The following ITGA8 variants were observed in gnomAD, a reference collection of about 807,000 sequenced individuals.
The protein encoded by ITGA8 is integrin alpha-8.
Under a neutral mutation model 142.3 loss-of-function variants are expected in ITGA8, and 91 were observed. The observed-to-expected ratio is 0.64, with a 90% CI of 0.54 to 0.76. ITGA8 has a LOEUF of 0.76. Ranked by LOEUF, ITGA8 falls within the 30% of genes least tolerant of loss-of-function variation. The pLI, the probability that ITGA8 is intolerant of heterozygous loss-of-function variation, is 0.00. For missense variants in ITGA8, 1,406 were observed against 1,327.7 expected (o/e 1.06, Z -0.92); for synonymous variants, 505 against 485.2 (o/e 1.04, Z -0.54).
At position 15,640,233 on chromosome 10, in the gene ITGA8, G is replaced by T. The variant is rs12267191; in HGVS notation, c.1399+3797C>A. Among the ~76,000 whole-genome samples, 518 of 152,302 alleles carry T rather than the reference G, an allele frequency of 3.4e-3. 4 individuals are homozygous for T. Among genetic ancestry groups the T allele is most frequent in the African/African-American group, 0.012 (495 of 41,568 alleles). ...ATCCCCTCTACGGCCCGTGTTCCAC[G>T]GGACCGACCTGGGTGTCAGGTCTTC... On this transcript the variant is annotated intron_variant, in intron 13 of 29. Coordinates refer to ENST00000378076, the MANE Select transcript of ITGA8 (RefSeq NM_003638.3).
intron 23 of ITGA8, among the ~76,000 whole-genome samples, chr10:15,583,121 C>G (rs1834444516): frequency 1.3e-5 from 2 of 152,172 alleles, no homozygotes; most frequent in African/African-American, 4.8e-5. Flanking sequence ...ACTGAAATGC[C>G]CATCCAGATA....
chr10:15,541,883 T>A (rs1441169428), intron 27 of ITGA8, among the ~76,000 whole-genome samples: 1 of 152,168 alleles, frequency 6.6e-6, no homozygotes, highest in African/African-American at 2.4e-5. Flanking sequence ...TTTACTTGCA[T>A]GGTTCCTGCT....
At chr10:15,679,941 G>A (rs1834704283) in intron 4 of ITGA8, among the ~76,000 whole-genome samples, 1 of 152,134 alleles carries the variant, frequency 6.6e-6, no homozygotes, top group Admixed American at 6.5e-5. Context: ...TTAAGTAGAG[G>A]GAATCTCAAT....
intron 23 of ITGA8, among the ~76,000 whole-genome samples, chr10:15,584,537 C>G (rs74511860): frequency 0.041 from 6,198 of 152,200 alleles, 440 homozygotes; most frequent in African/African-American, 0.14. Context: ...ACCCACTTCT[C>G]ACAGGAGTGT....
At chr10:15,618,643 G>T (rs1460661598) in intron 13 of ITGA8, among the ~76,000 whole-genome samples, 2 of 152,142 alleles carry the variant, frequency 1.3e-5, no homozygotes, top group East Asian at 1.9e-4. Flanking sequence ...TCACCTGTCA[G>T]CACGGCCAAA....
intron 20 of ITGA8, among the ~76,000 whole-genome samples, chr10:15,598,774 A>G (rs1833050775): frequency 6.6e-6 from 1 of 152,248 alleles, no homozygotes; most frequent in Non-Finnish European, 1.5e-5. Flanking sequence ...TGAGAAAGGA[A>G]TGGATCACTA....
intron 9 of ITGA8, among the ~76,000 whole-genome samples, chr10:15,659,364 G>A (rs577665945): frequency 3.3e-5 from 5 of 152,284 alleles, no homozygotes; most frequent in Admixed American, 3.3e-4. Context: ...ATTTAGTCAG[G>A]ATTTTTGTCC....
chr10:15,673,842 T>C (rs1427476163), intron 6 of ITGA8, among the ~76,000 whole-genome samples: 2 of 152,212 alleles, frequency 1.3e-5, no homozygotes, highest in Non-Finnish European at 2.9e-5. Context: ...AAAGTCACTG[T>C]CAGAAGTCTT....
At chr10:15,639,467 CA>C (rs1010623229) in intron 13 of ITGA8, among the ~76,000 whole-genome samples, 1 of 152,166 alleles carries the variant, frequency 6.6e-6, no homozygotes, top group African/African-American at 2.4e-5. Flanking sequence ...GCTTTATTAA[CA>C]AGCCCTACAG....
At chr10:15,518,460 A>T (rs1053847157) in intron 29 of ITGA8, among the ~76,000 whole-genome samples, 1 of 152,272 alleles carries the variant, frequency 6.6e-6, no homozygotes, top group African/African-American at 2.4e-5. Context: ...CAGAAACGCC[A>T]TTCCTTAACT....
intron 22 of ITGA8, among the ~76,000 whole-genome samples, chr10:15,586,947 G>A (rs1473694721): frequency 6.8e-6 from 1 of 147,882 alleles, no homozygotes; most frequent in Non-Finnish European, 1.5e-5. Context: ...TTTTTGAGAC[G>A]GAGTCTCCCT....
chr10:15,580,519 T>G (rs1834389416), intron 23 of ITGA8, among the ~76,000 whole-genome samples: 1 of 152,090 alleles, frequency 6.6e-6, no homozygotes, highest in South Asian at 2.1e-4. Context: ...AACGTAGATG[T>G]AAAAGTCACT....
intron 8 of ITGA8, among the ~76,000 whole-genome samples, chr10:15,671,284 T>TC (rs2131685264): frequency 6.6e-6 from 1 of 152,270 alleles, no homozygotes; most frequent in South Asian, 2.1e-4. Context: ...AATGAAGGGA[T>TC]CTTAATTTCA....
chr10:15,585,403 T>G (rs986545140), intron 23 of ITGA8, among the ~76,000 whole-genome samples: 1 of 152,208 alleles, frequency 6.6e-6, no homozygotes, highest in South Asian at 2.1e-4. Context: ...GAACAGTGTA[T>G]GTTAGACATT....
intron 13 of ITGA8, among the ~76,000 whole-genome samples, chr10:15,635,098 C>A (rs1833750913): frequency 6.7e-6 from 1 of 149,972 alleles, no homozygotes; most frequent in Non-Finnish European, 1.5e-5. Context: ...CCTCCGCTTC[C>A]CAGGTTCAAG....
intron 13 of ITGA8, among the ~76,000 whole-genome samples, chr10:15,641,702 A>C (rs536817606): frequency 8.5e-5 from 13 of 152,330 alleles, no homozygotes; most frequent in African/African-American, 2.6e-4. Context: ...CTTAGTAAAG[A>C]ACATTTACTT....
intron 27 of ITGA8, among the ~76,000 whole-genome samples, chr10:15,540,143 T>C (rs1448957917): frequency 6.6e-6 from 1 of 152,216 alleles, no homozygotes; most frequent in African/African-American, 2.4e-5. Context: ...AACATACTAA[T>C]ACAATTACAA....
chr10:15,697,285 T>C (rs1044552854), intron 2 of ITGA8, among the ~76,000 whole-genome samples: 1 of 152,114 alleles, frequency 6.6e-6, no homozygotes, highest in African/African-American at 2.4e-5. Flanking sequence ...TACAGAGAAA[T>C]ATAAGGACTT....
rs1346366833 is a variant in ITGA8 at position 15,516,712 on chromosome 10, T to C, written c.*446A>G. 1 of 152,748 alleles carries C rather than the reference T, an allele frequency of 6.5e-6. No homozygotes were observed. Among genetic ancestry groups the C allele is most frequent in the Non-Finnish European group, 1.5e-5 (1 of 68,480 alleles). 9.5% of individuals were successfully genotyped at this position (152,748 alleles called of 1,614,324 possible). A position where few individuals can be genotyped will look rare whatever the true frequency, so the allele number is the denominator to read the frequency against. On this transcript the variant is annotated 3_prime_UTR_variant, in exon 30 of 30. Coordinates refer to ENST00000378076, the MANE Select transcript of ITGA8 (RefSeq NM_003638.3). ...CCATAGGGAGGTGTCAAATGTTCCATTGGATACAGTAGTGTTGGATGGTGT... is the reference window on the plus strand; with the variant it reads ...CCATAGGGAGGTGTCAAATGTTCCACTGGATACAGTAGTGTTGGATGGTGT...
Sources: gnomAD v4.1 joint callset for allele counts (sites outside exome capture counted in the v4.1 genomes callset) on GRCh38, gnomAD v4.1.1 for gene constraint, MANE v1.5 for transcripts, NCBI Gene and HGNC (gene_info 2026-07-23, HGNC 2026-07-21) for gene names.